Variants in SAMD12 observed in about 807,000 individuals in gnomAD.
SAMD12 encodes the protein sterile alpha motif domain containing 12.
A neutral mutation model predicts 15.0 loss-of-function variants in SAMD12; 9 were observed. The observed-to-expected ratio is 0.60, with a 90% confidence interval of 0.36 to 1.05. The LOEUF (loss-of-function observed/expected upper bound fraction) is 1.05, where lower values mean the gene tolerates loss of function less well. SAMD12 is among the 50% of genes least tolerant of loss of function. The pLI is 0.01. For synonymous variants in SAMD12, 86 were observed against 90.1 expected (o/e 0.96, Z 0.25); for missense variants, 230 against 234.2 (o/e 0.98, Z 0.12).
intron 4 of SAMD12, among the ~76,000 whole-genome samples, chr8:118,245,168 C>G (rs1812656736): frequency 1.3e-5 from 2 of 152,092 alleles, no homozygotes; most frequent in African/African-American, 4.8e-5. Flanking sequence ...CTTCACCAGG[C>G]AAACAAAACC....
chr8:118,138,682 G>C, the SAMD12 span, among the ~76,000 whole-genome samples: 16 of 152,214 alleles, frequency 1.1e-4, no homozygotes, highest in African/African-American at 3.9e-4. Context: ...AATCAGAATA[G>C]GGTTTAAAAT....
exon 5 of SAMD12, chr8:118,193,983 C>CT (rs1326894772): frequency 3.3e-5 from 5 of 152,128 alleles, no homozygotes; most frequent in Non-Finnish European, 7.3e-5. Context: ...TGCTCATGTA[C>CT]TAGAAAGAGG....
At chr8:118,493,920 T>C (rs1824525007) in intron 2 of SAMD12, among the ~76,000 whole-genome samples, 1 of 152,162 alleles carries the variant, frequency 6.6e-6, no homozygotes, top group Non-Finnish European at 1.5e-5. Flanking sequence ...AAACCAACCC[T>C]AGCCTTCAGC....
rs150682217 is a variant in SAMD12, at chr8:118,610,787, T to C, written c.13+11017A>G. Among the ~76,000 whole-genome samples, 489 of 152,274 alleles carry C rather than the reference T, an allele frequency of 3.2e-3. 4 individuals carry two copies. The highest frequency in any genetic ancestry group is 0.011 in the African/African-American group (472 of 41,542). On this transcript the variant is annotated intron_variant, in intron 1 of 3. Coordinates refer to ENST00000314727, the MANE Select transcript of SAMD12 (RefSeq NM_207506.3). ...TGTGATAATAGGATAAGAGCTTCAG[T>C]CTCTCTCCCCATGAAAATACACATA...
At chr8:118,164,867 A>G in the SAMD12 span, among the ~76,000 whole-genome samples, 1 of 151,830 alleles carries the variant, frequency 6.6e-6, no homozygotes. Context: ...ACACACACCT[A>G]TGCATATATG....
intron 2 of SAMD12, among the ~76,000 whole-genome samples, chr8:118,483,126 C>T (rs1824174893): frequency 6.6e-6 from 1 of 152,106 alleles, no homozygotes; most frequent in East Asian, 1.9e-4. Context: ...ATTAGAAAGA[C>T]ATGGAAGAGG....
chr8:118,338,401 A>G (rs1817186272), intron 4 of SAMD12, among the ~76,000 whole-genome samples: 1 of 152,224 alleles, frequency 6.6e-6, no homozygotes, highest in Admixed American at 6.5e-5. Flanking sequence ...ATTTGATATC[A>G]ATTCTTATTC....
At chr8:118,526,073 A>C (rs1303223494) in intron 2 of SAMD12, among the ~76,000 whole-genome samples, 1 of 152,170 alleles carries the variant, frequency 6.6e-6, no homozygotes, top group Non-Finnish European at 1.5e-5. Context: ...AAGCTGGCAA[A>C]ATTTGAGTGT....
At chr8:118,167,625 A>G in the SAMD12 span, among the ~76,000 whole-genome samples, 5 of 152,130 alleles carry the variant, frequency 3.3e-5, no homozygotes, top group African/African-American at 1.2e-4. Context: ...CCTTATCTAG[A>G]ATGAGGGAGC....
intron 2 of SAMD12, among the ~76,000 whole-genome samples, chr8:118,461,690 T>C (rs1385733167): frequency 6.6e-6 from 1 of 152,206 alleles, no homozygotes; most frequent in Non-Finnish European, 1.5e-5. Flanking sequence ...TTGGAACATA[T>C]AGATTCACCT....
At chr8:118,133,766 A>G in the SAMD12 span, among the ~76,000 whole-genome samples, 3 of 151,892 alleles carry the variant, frequency 2.0e-5, no homozygotes, top group Non-Finnish European at 2.9e-5. Context: ...TTTTGCTTCC[A>G]GAAGTTTTGT....
At chr8:118,155,362 T>TG in the SAMD12 span, among the ~76,000 whole-genome samples, 297 of 152,178 alleles carry the variant, frequency 2.0e-3, no homozygotes, top group African/African-American at 6.6e-3. Context: ...ACAGTGTTTT[T>TG]GGGGGGGTGG....
chr8:118,621,909 T>A lies in SAMD12; in HGVS notation c.-93A>T, dbSNP rs779728098. ...CCCCTTCCTCTCGCTTTCGCCTAAA[T>A]ATTCTGCGCTTATCTGCTCCAGGAC... On this transcript the variant is annotated 5_prime_UTR_variant, in exon 1 of 4. Coordinates refer to ENST00000314727, the MANE Select transcript of SAMD12 (RefSeq NM_207506.3). 2 of 1,428,224 alleles carry A rather than the reference T, an allele frequency of 1.4e-6. No individual in the cohort carries two copies. The highest frequency in any genetic ancestry group is 2.3e-5 in the South Asian group (2 of 87,240). 88.5% of individuals were successfully genotyped at this position (1,428,224 alleles called of 1,614,324 possible).
chr8:118,147,959 T>C, the SAMD12 span, among the ~76,000 whole-genome samples: 1 of 151,308 alleles, frequency 6.6e-6, no homozygotes, highest in Non-Finnish European at 1.5e-5. Context: ...TTTTTTGAGA[T>C]GGATTCCACC....
chr8:118,599,358 A>G (rs1827798628), intron 1 of SAMD12, among the ~76,000 whole-genome samples: 1 of 152,178 alleles, frequency 6.6e-6, no homozygotes, highest in African/African-American at 2.4e-5. Flanking sequence ...ACTTCCTTTT[A>G]GTTCTACCAT....
At chr8:118,277,286 A>G (rs898024505) in intron 4 of SAMD12, among the ~76,000 whole-genome samples, 4 of 152,180 alleles carry the variant, frequency 2.6e-5, no homozygotes, top group Non-Finnish European at 5.9e-5. Context: ...TGCTAGTGCC[A>G]GTGTTTGTTA....
chr8:118,502,083 T>C (rs1268897394), intron 2 of SAMD12, among the ~76,000 whole-genome samples: 1 of 151,860 alleles, frequency 6.6e-6, no homozygotes, highest in Non-Finnish European at 1.5e-5. Context: ...GGGGCCAAGC[T>C]TGTATATTTC....
At chr8:118,243,258 A>G (rs1002000492) in intron 4 of SAMD12, among the ~76,000 whole-genome samples, 1 of 152,200 alleles carries the variant, frequency 6.6e-6, no homozygotes, top group Non-Finnish European at 1.5e-5. Context: ...AATAGTATAT[A>G]TTAAAAATAT....
chr8:118,299,869 G>A (rs1414913149), intron 4 of SAMD12, among the ~76,000 whole-genome samples: 1 of 151,992 alleles, frequency 6.6e-6, no homozygotes, highest in Admixed American at 6.5e-5. Flanking sequence ...ATGGTAGATT[G>A]ATTCATTCTC....
Sources: allele counts gnomAD v4.1 joint callset (sites outside exome capture counted in the v4.1 genomes callset), GRCh38; gene constraint gnomAD v4.1.1; transcripts MANE v1.5; gene names NCBI Gene and HGNC (gene_info 2026-07-23, HGNC 2026-07-21).